The following POLR1C variants were observed in gnomAD, a reference collection of about 807,000 sequenced individuals.
POLR1C encodes RNA polymerase I and III subunit C, also known as DNA-directed RNA polymerases I and III subunit RPAC1.
POLR1C carries 42 observed loss-of-function variants against 38.3 expected under a neutral mutation model. The observed-to-expected ratio is 1.10, with a 90% CI of 0.86 to 1.42. POLR1C has a LOEUF of 1.42. Ranked by LOEUF, POLR1C falls within the 40% of genes most tolerant of loss-of-function variation. The pLI, the probability that POLR1C is intolerant of heterozygous loss-of-function variation, is 0.00. For synonymous variants in POLR1C, 163 were observed against 163.9 expected (o/e 0.99, Z 0.04); for missense variants, 507 against 450.5 (o/e 1.13, Z -1.14).
chr6:43,543,845 T>G (rs751815089), intron 9 of POLR1C, among the ~76,000 whole-genome samples: 3 of 152,098 alleles, frequency 2.0e-5, no homozygotes, highest in Non-Finnish European at 4.4e-5. Context: ...CCTGGCTAAT[T>G]TTTGTATTTT....
intron 9 of POLR1C, chr6:43,546,530 A>G: frequency 1.3e-6 from 2 of 1,562,160 alleles, no homozygotes; most frequent in Non-Finnish European, 1.7e-6. Context: ...TTTTTAAGGT[A>G]AAGTAGAAAA....
At chr6:43,527,149 A>G (rs1793648959) in intron 8 of POLR1C, 1 of 219,956 alleles carries the variant, frequency 4.5e-6, no homozygotes, top group Admixed American at 5.1e-5. Context: ...AATGAATCCA[A>G]ATTCCTTCTG....
chr6:43,554,965 G>C lies in POLR1C; in HGVS notation c.*48+3954G>C, dbSNP rs1294121940. 33 of 144,266 alleles carry C rather than the reference G, an allele frequency of 2.3e-4. 1 individual carries two copies. Among genetic ancestry groups the C allele is most frequent in the Admixed American group, 2.3e-3 (33 of 14,462 alleles). The allele number at this position is 144,266 out of a possible 1,614,324, so 8.9% of individuals were successfully genotyped here. A position where few individuals can be genotyped will look rare whatever the true frequency, so the allele number is the denominator to read the frequency against. On this transcript the variant is annotated intron_variant, in intron 10 of 10. Coordinates refer to the POLR1C transcript ENST00000607635. ...TTTTTTTTTTTTTTTTTTTGAGATG[G>C]AGTTTTGCTCTCGTTGCCCAGGCTG...
At chr6:43,549,778 A>C in intron 9 of POLR1C, 1 of 1,249,844 alleles carries the variant, frequency 8.0e-7, no homozygotes, top group Non-Finnish European at 1.1e-6. Flanking sequence ...CATATATGAT[A>C]ATCTACCACC....
chr6:43,546,298 G>T (rs1459860500), intron 9 of POLR1C, among the ~76,000 whole-genome samples: 1 of 152,244 alleles, frequency 6.6e-6, no homozygotes, highest in South Asian at 2.1e-4. Flanking sequence ...TAGGGATGAA[G>T]TATAAAGAAA....
chr6:43,558,425 C>G (rs1245165802), intron 10 of POLR1C: 1 of 1,332,070 alleles, frequency 7.5e-7, no homozygotes, highest in Non-Finnish European at 1.0e-6. Flanking sequence ...AAACCCCAAA[C>G]ACCATGCACC....
downstream of POLR1C, chr6:43,523,791 G>A: frequency 6.2e-7 from 1 of 1,611,416 alleles, no homozygotes; most frequent in Non-Finnish European, 8.5e-7. Context: ...GGCAGTGCAA[G>A]AAGGGCCTAG....
At chr6:43,553,570 G>A (rs979263441) in intron 10 of POLR1C, 18 of 1,506,592 alleles carry the variant, frequency 1.2e-5, no homozygotes, top group Non-Finnish European at 1.6e-5. Context: ...TTGAAAGATC[G>A]CAGAAGACAC....
chr6:43,519,603 C>A, intron 3 of POLR1C, 103 bp from the exon 4 acceptor site: 9 of 1,531,050 alleles, frequency 5.9e-6, no homozygotes, highest in Non-Finnish European at 7.2e-6. Flanking sequence ...ATTAAACATT[C>A]TAGGAAGAGA....
chr6:43,527,782 C>A, intron 8 of POLR1C: 1 of 1,592,834 alleles, frequency 6.3e-7, no homozygotes, highest in Non-Finnish European at 8.6e-7. Flanking sequence ...AAAGGAAGGA[C>A]AAGGAAAGCA....
At chr6:43,540,266 T>C (rs1794621273) in intron 9 of POLR1C, among the ~76,000 whole-genome samples, 2 of 152,132 alleles carry the variant, frequency 1.3e-5, no homozygotes, top group South Asian at 4.1e-4. Context: ...GATCACGAGG[T>C]CAGGAGATCA....
intron 9 of POLR1C, among the ~76,000 whole-genome samples, chr6:43,537,156 T>TG (rs1794389898): frequency 6.6e-6 from 1 of 151,230 alleles, no homozygotes; most frequent in Non-Finnish European, 1.5e-5. Context: ...TTTTTTTTTT[T>TG]GTAGAGAAAG....
At chr6:43,559,526 C>T (rs1318198592) in intron 10 of POLR1C, among the ~76,000 whole-genome samples, 1 of 152,188 alleles carries the variant, frequency 6.6e-6, no homozygotes, top group Non-Finnish European at 1.5e-5. Flanking sequence ...CTCACTTGGC[C>T]TCCAGAAGCA....
intron 4 of POLR1C, 24 bp from the exon 5 acceptor site, chr6:43,520,042 T>C (rs1450676518): frequency 1.2e-6 from 2 of 1,613,616 alleles, no homozygotes; most frequent in Non-Finnish European, 1.7e-6. Flanking sequence ...TACTAGTTCT[T>C]AGGAGCTCCC....
At chr6:43,518,950 G>A (rs1364759999) in intron 2 of POLR1C, among the ~76,000 whole-genome samples, 1 of 152,182 alleles carries the variant, frequency 6.6e-6, no homozygotes, top group East Asian at 1.9e-4. Flanking sequence ...AGAGTGCTGG[G>A]ATTACAGGTG....
intron 9 of POLR1C, among the ~76,000 whole-genome samples, chr6:43,534,939 G>A (rs1794223227): frequency 6.6e-6 from 1 of 152,000 alleles, no homozygotes; most frequent in Non-Finnish European, 1.5e-5. Context: ...AGGTTGTGGT[G>A]AGCCGAGATC....
At chr6:43,553,298 T>C (rs1448427877) in intron 10 of POLR1C, 2 of 1,505,956 alleles carry the variant, frequency 1.3e-6, no homozygotes, top group Non-Finnish European at 1.8e-6. Context: ...AGATATAGCG[T>C]CCCAAAATAG....
At chr6:43,520,238 T>G (rs1273480164) in intron 5 of POLR1C, 37 bp from the exon 6 acceptor site, 1 of 1,613,832 alleles carries the variant, frequency 6.2e-7, no homozygotes, top group East Asian at 2.2e-5. Flanking sequence ...GCTGCTAGTT[T>G]TAGGGACTGA....
downstream of POLR1C, among the ~76,000 whole-genome samples, chr6:43,524,177 C>T (rs111313756): frequency 3.7e-4 from 57 of 152,194 alleles, 1 homozygote; most frequent in Middle Eastern, 3.4e-3. Context: ...CATGGAGAAA[C>T]CCCGTCTCTA....
Sources: allele counts gnomAD v4.1 joint callset (sites outside exome capture counted in the v4.1 genomes callset), GRCh38; gene constraint gnomAD v4.1.1; transcripts MANE v1.5; gene names NCBI Gene and HGNC (gene_info 2026-07-23, HGNC 2026-07-21).